The following WDFY4 variants were observed in gnomAD, a reference collection of about 807,000 sequenced individuals.
WDFY4 encodes the protein WDFY family member 4.
WDFY4 carries 169 observed loss-of-function variants against 351.9 expected under a neutral mutation model. That is an observed-to-expected ratio of 0.48 (90% CI 0.42 to 0.55). WDFY4 has a LOEUF of 0.55. WDFY4 is among the 20% of genes least tolerant of loss of function. The pLI is 0.00. For synonymous variants in WDFY4, 1,622 were observed against 1,574.6 expected, an observed-to-expected ratio of 1.03 and a Z score of -0.71; for missense variants, 3,803 against 3,935.6, an observed-to-expected ratio of 0.97 and a Z score of 0.90.
At chr10:48,925,243 C>T (rs1839472512) in intron 47 of WDFY4, among the ~76,000 whole-genome samples, 2 of 152,204 alleles carry the variant, frequency 1.3e-5, no homozygotes, top group African/African-American at 4.8e-5. Flanking sequence ...GGCTTCAGAT[C>T]ACTCTGTGTC....
intron 43 of WDFY4, among the ~76,000 whole-genome samples, chr10:48,877,649 C>T (rs1478460829): frequency 2.0e-5 from 3 of 152,230 alleles, no homozygotes; most frequent in Non-Finnish European, 4.4e-5. Context: ...TGTCCCTATG[C>T]CTCGGCCTCA....
rs186297745 is a variant in WDFY4, at chr10:48,949,983, G to C, written c.7977+3014G>C. Among the ~76,000 whole-genome samples, 32 of 152,222 alleles carry C rather than the reference G, an allele frequency of 2.1e-4. No individual in the cohort carries two copies. The East Asian group carries it at 5.8e-3, about 28-fold the overall frequency. The stretch of plus-strand genomic sequence containing the variant: ...TTAAGCACCTACTATGCACCTGGAT[G>C]GTGCTAAGTACCTTACAGCTGTTAT... On this transcript the variant is annotated intron_variant, in intron 51 of 61. Transcript: ENST00000325239.
rs370258763 is a variant in WDFY4 at position 48,774,782 on chromosome 10, G to A, written c.2768+110G>A. 849 of 1,330,264 alleles carry A rather than the reference G, an allele frequency of 6.4e-4. 3 individuals carry two copies. In the African/African-American group the frequency reaches 0.01, roughly 16 times the overall value. The allele number at this position is 1,330,264 out of a possible 1,614,324, so 82.4% of individuals were successfully genotyped here. A position where few individuals can be genotyped will look rare whatever the true frequency, so the allele number is the denominator to read the frequency against. On this transcript the variant is annotated intron_variant, in intron 14 of 61. Transcript: ENST00000325239. The stretch of plus-strand genomic sequence containing the variant: ...GACTGCAGGGACAGATGGAGGGCAC[G>A]GCTCTGTCCTGGCATTCAAGGCTGG...
chr10:48,775,934 T>C (rs2066017997), intron 15 of WDFY4, 128 bp downstream of exon 15: 1 of 811,850 alleles, frequency 1.2e-6, no homozygotes, highest in African/African-American at 1.7e-5. Flanking sequence ...TGCTGCTCAA[T>C]GCAGCAACTG....
chr10:48,876,862 G>A (rs1023677819), intron 42 of WDFY4, among the ~76,000 whole-genome samples, 171 bp from the exon 43 acceptor site: 3 of 152,224 alleles, frequency 2.0e-5, no homozygotes, highest in Non-Finnish European at 2.9e-5. Context: ...TGCCCCAGAT[G>A]TGTGGTGTCC....
intron 19 of WDFY4, 55 bp downstream of exon 19, chr10:48,780,174 C>A (rs894521820): frequency 6.5e-7 from 1 of 1,533,978 alleles, no homozygotes; most frequent in African/African-American, 1.4e-5. Context: ...CCTGCTACTA[C>A]CCTGAAGTGG....
At position 48,828,894 on chromosome 10, in the gene WDFY4, A is replaced by G; in HGVS notation, c.6338A>G (p.Asp2113Gly). Residue 2113 changes from aspartate to glycine, a missense_variant and splice_region_variant, in exon 37 of 62, where the codon GAT becomes GGT. By Grantham distance (94) the Asp-to-Gly change is moderately conservative. Coordinates refer to ENST00000325239, the MANE Select transcript of WDFY4 (RefSeq NM_001394531.1). ...AGAGAAGACTTACCAAGTTTGAGTG[A>G]TGGTACATTTTATTTGTCATTGTGT... is the stretch of plus-strand genomic sequence containing the variant. ...EKREDLPSLS[D>G]VQHNIQKTVQ... 1 of 1,043,268 alleles carries G rather than the reference A, an allele frequency of 9.6e-7. No homozygotes were observed. Among genetic ancestry groups the G allele is most frequent in the Non-Finnish European group, 1.3e-6 (1 of 797,712 alleles). The allele number at this position is 1,043,268 out of a possible 1,614,324, so 64.6% of individuals were successfully genotyped here. A position where few individuals can be genotyped will look rare whatever the true frequency, so the allele number is the denominator to read the frequency against.
chr10:48,746,517 G>A (rs926721940), intron 12 of WDFY4, among the ~76,000 whole-genome samples: 5 of 151,640 alleles, frequency 3.3e-5, no homozygotes, highest in Admixed American at 2.0e-4. Context: ...TCAATCTAGT[G>A]TGGTATTATT....
intron 38 of WDFY4, 56 bp from the exon 39 acceptor site, chr10:48,832,517 A>G (rs3747873): frequency 0.39 from 573,547 of 1,459,256 alleles, 119,136 homozygotes; most frequent in East Asian, 0.85. Context: ...AGCTAGCTAT[A>G]AAAATAGTGT....
intron 1 of WDFY4, among the ~76,000 whole-genome samples, chr10:48,700,118 G>T (rs184238300): frequency 3.3e-4 from 50 of 152,286 alleles, no homozygotes; most frequent in African/African-American, 7.7e-4. Flanking sequence ...TAGGCTGAAG[G>T]TTCACCTCCC....
intron 2 of WDFY4, among the ~76,000 whole-genome samples, chr10:48,710,173 G>A (rs2063732980): frequency 6.6e-6 from 1 of 152,212 alleles, no homozygotes; most frequent in South Asian, 2.1e-4. Context: ...ATTTCTCATA[G>A]TTTGGAGCCT....
chr10:48,828,687 G>T, intron 36 of WDFY4, 91 bp from the exon 37 acceptor site: 1 of 734,724 alleles, frequency 1.4e-6, no homozygotes, highest in Non-Finnish European at 2.1e-6. Context: ...GATAATTATT[G>T]GAGGATGATT....
intron 5 of WDFY4, 53 bp from the exon 6 acceptor site, chr10:48,725,828 G>A (rs2064249555): frequency 6.8e-7 from 1 of 1,479,398 alleles, no homozygotes; most frequent in East Asian, 2.5e-5. Context: ...TCCATCTGAG[G>A]AAGGAGACTT....
At chr10:48,759,306 T>G (rs2065429291) in intron 12 of WDFY4, among the ~76,000 whole-genome samples, 1 of 152,206 alleles carries the variant, frequency 6.6e-6, no homozygotes, top group South Asian at 2.1e-4. Flanking sequence ...CAGCTTCCTC[T>G]TCTTCATCCT....
chr10:48,849,457 C>T (rs186694616), intron 39 of WDFY4, among the ~76,000 whole-genome samples: 6 of 152,296 alleles, frequency 3.9e-5, no homozygotes, highest in South Asian at 4.1e-4. Context: ...GCAGACAAGA[C>T]TTACCCCCAA....
At chr10:48,882,541 A>G (rs1324469204) in intron 43 of WDFY4, among the ~76,000 whole-genome samples, 3 of 152,080 alleles carry the variant, frequency 2.0e-5, no homozygotes, top group African/African-American at 7.2e-5. Context: ...TTATAATGAA[A>G]AGAGGTTTAG....
intron 20 of WDFY4, among the ~76,000 whole-genome samples, chr10:48,787,851 CTT>C (rs2066469026): frequency 7.4e-6 from 1 of 135,560 alleles, no homozygotes; most frequent in African/African-American, 3.2e-5. Flanking sequence ...TCTTCTTCTT[CTT>C]CTTCTTTCTT....
chr10:48,976,928 A>G lies in WDFY4; in HGVS notation c.9240A>G (p.Ala3080=). ...ITCCCLMEGP[A]WDTSQIIITG... is the part of the protein sequence containing the mutation. Reference sequence around the variant, plus strand: ...GCTGCTGCCTGATGGAGGGCCCAGCATGGGACACAAGCCAGATCATCATCA... The same window carrying G: ...GCTGCTGCCTGATGGAGGGCCCAGCGTGGGACACAAGCCAGATCATCATCA... The change falls in exon 59 of 62, where the codon GCA becomes GCG. Residue 3080 remains alanine (A), a synonymous_variant. Transcript: ENST00000325239. 1 of 1,531,368 alleles carries G rather than the reference A, an allele frequency of 6.5e-7. No individual in the cohort carries two copies. Among genetic ancestry groups the G allele is most frequent in the Non-Finnish European group, 8.8e-7 (1 of 1,135,746 alleles). 94.9% of individuals were successfully genotyped at this position (1,531,368 alleles called of 1,614,324 possible). A position where few individuals can be genotyped will look rare whatever the true frequency, so the allele number is the denominator to read the frequency against.
intron 5 of WDFY4, among the ~76,000 whole-genome samples, chr10:48,725,038 G>A (rs1021799013): frequency 2.6e-5 from 4 of 152,158 alleles, no homozygotes; most frequent in Non-Finnish European, 4.4e-5. Context: ...TAGTGTGGCC[G>A]GGTGGGGTGG....
Sources: allele counts gnomAD v4.1 joint callset (sites outside exome capture counted in the v4.1 genomes callset), GRCh38; gene constraint gnomAD v4.1.1; transcripts MANE v1.5; gene names NCBI Gene and HGNC (gene_info 2026-07-23, HGNC 2026-07-21).